NCKAP5L: variants seen among roughly 807,000 people sequenced by gnomAD.
NCKAP5L encodes nck-associated protein 5-like.
Under a neutral mutation model 103.2 loss-of-function variants are expected in NCKAP5L, and 54 were observed. The observed-to-expected ratio is 0.52, with a 90% CI of 0.42 to 0.66. The LOEUF (loss-of-function observed/expected upper bound fraction) is 0.66. Ranked by LOEUF, NCKAP5L falls within the 30% of genes least tolerant of loss-of-function variation. The probability of loss-of-function intolerance (pLI) is 0.00; values close to 1 mark genes in which losing one functional copy is unlikely to be tolerated. For synonymous variants in NCKAP5L, 762 were observed against 748.6 expected (o/e 1.02, Z -0.29); for missense variants, 1,733 against 1,750.6 (o/e 0.99, Z 0.18).
intron 1 of NCKAP5L, among the ~76,000 whole-genome samples, chr12:49,806,272 T>C (rs946349683): frequency 6.6e-6 from 1 of 152,056 alleles, no homozygotes; most frequent in Non-Finnish European, 1.5e-5. Context: ...GGGAAAGCAT[T>C]TGGGACAGCA....
At chr12:49,813,662 G>A (rs1285551288) in intron 1 of NCKAP5L, among the ~76,000 whole-genome samples, 2 of 152,000 alleles carry the variant, frequency 1.3e-5, no homozygotes, top group African/African-American at 2.4e-5. Flanking sequence ...CGAGTACCTG[G>A]GATTACAGGC....
intron 8 of NCKAP5L, 130 bp from the exon 9 acceptor site, chr12:49,794,026 C>T (rs1277475704): frequency 1.4e-5 from 12 of 853,652 alleles, no homozygotes; most frequent in African/African-American, 3.5e-5. Flanking sequence ...GGGGACATGT[C>T]GCTAGTGATT....
At chr12:49,809,497 C>T (rs1946216834) in intron 1 of NCKAP5L, among the ~76,000 whole-genome samples, 1 of 152,140 alleles carries the variant, frequency 6.6e-6, no homozygotes, top group African/African-American at 2.4e-5. Flanking sequence ...GGGTGGGCAG[C>T]TGTAGGAAGG....
chr12:49,819,536 G>T (rs892640159), intron 1 of NCKAP5L, among the ~76,000 whole-genome samples: 1 of 152,182 alleles, frequency 6.6e-6, no homozygotes, highest in African/African-American at 2.4e-5. Context: ...CAACGTGGAT[G>T]AATCTGGAGA....
intron 8 of NCKAP5L, 84 bp downstream of exon 8, chr12:49,794,681 C>T: frequency 8.9e-7 from 1 of 1,127,548 alleles, no homozygotes; most frequent in Non-Finnish European, 1.2e-6. Flanking sequence ...GAAAAGCAGG[C>T]CTAGCTCCAG....
Position 49,797,173 on chromosome 12 carries a change from C to T in NCKAP5L, c.687G>A (p.Leu229=). The change falls in exon 8 of 13, where the codon CTG becomes CTA. Residue 229 remains leucine, a synonymous_variant. Coordinates refer to ENST00000335999, the MANE Select transcript of NCKAP5L (RefSeq NM_001037806.4). The surrounding 1 kb of genome is among the most constrained non-coding windows in gnomAD (Gnocchi z 4.5). The part of the protein sequence containing the change: ...PGSPEPINGE[L]CGPPQPEPSP... ...AGGGTTCAGGCTGAGGCGGGCCACACAGCTCGCCGTTGATGGGCTCTGGGG... is the reference window on the plus strand; with the variant it reads ...AGGGTTCAGGCTGAGGCGGGCCACATAGCTCGCCGTTGATGGGCTCTGGGG... 6.2e-7 allele frequency: 1 copy of T among 1,611,644 alleles called. No homozygotes were observed. The highest frequency in any genetic ancestry group is 8.5e-7 in the Non-Finnish European group (1 of 1,179,176).
chr12:49,828,000 G>C (rs1946440216), intron 1 of NCKAP5L, among the ~76,000 whole-genome samples: 1 of 152,192 alleles, frequency 6.6e-6, no homozygotes, highest in Admixed American at 6.5e-5. Flanking sequence ...CAAAGAGGGA[G>C]GGGAGCCCGG....
Position 49,794,680 on chromosome 12 carries a change from G to T in NCKAP5L, c.3095+85C>A. The T allele has an allele frequency of 9.0e-6, 10 of 1,109,236 alleles. No individual in the cohort carries two copies. The South Asian group carries it at 1.7e-4, about 19-fold the overall frequency. 68.7% of individuals were successfully genotyped at this position (1,109,236 alleles called of 1,614,324 possible). On this transcript the variant is annotated intron_variant, in intron 8 of 12. Transcript: ENST00000335999. ...AAGCCCCAGCTCCCAGGAAAAGCAGGCCTAGCTCCAGACGCAGGTGTGCCC... is the reference window on the plus strand; with the variant it reads ...AAGCCCCAGCTCCCAGGAAAAGCAGTCCTAGCTCCAGACGCAGGTGTGCCC...
intron 1 of NCKAP5L, among the ~76,000 whole-genome samples, chr12:49,811,359 G>A (rs79593787): frequency 6.6e-6 from 1 of 152,000 alleles, no homozygotes; most frequent in Non-Finnish European, 1.5e-5. Flanking sequence ...TATAACTTCT[G>A]GCTTACCACC....
chr12:49,823,429 C>A lies in NCKAP5L; in HGVS notation c.-99+4893G>T, dbSNP rs550034367. On this transcript the variant is annotated intron_variant, in intron 1 of 12. Coordinates refer to ENST00000335999, the MANE Select transcript of NCKAP5L (RefSeq NM_001037806.4). ...AACTGCTGAGAACCCCAGAGCCACA[C>A]TACGGGAGTTCCAGGGCCCCTCACA... Among the ~76,000 whole-genome samples the A allele has an allele frequency of 2.0e-5, 3 of 152,252 alleles. 1 individual carries two copies. Among genetic ancestry groups the A allele is most frequent in the Admixed American group, 2.0e-4 (3 of 15,298 alleles).
intron 7 of NCKAP5L, among the ~76,000 whole-genome samples, chr12:49,798,085 A>G (rs1946078150): frequency 6.6e-6 from 1 of 152,180 alleles, no homozygotes; most frequent in African/African-American, 2.4e-5. Context: ...TAACCTCACT[A>G]AAGAAGACAA....
At chr12:49,811,181 G>A (rs925074506) in intron 1 of NCKAP5L, among the ~76,000 whole-genome samples, 1 of 152,154 alleles carries the variant, frequency 6.6e-6, no homozygotes, top group Non-Finnish European at 1.5e-5. Flanking sequence ...TGTTGCAAAG[G>A]GACTCCTGTC....
intron 1 of NCKAP5L, among the ~76,000 whole-genome samples, chr12:49,820,561 C>G (rs982054240): frequency 3.8e-4 from 58 of 152,178 alleles, no homozygotes; most frequent in Non-Finnish European, 7.4e-5. Flanking sequence ...GTGATCCACC[C>G]ACCTTGGCCT....
intron 1 of NCKAP5L, among the ~76,000 whole-genome samples, chr12:49,821,880 G>A (rs1251401954): frequency 1.3e-5 from 2 of 152,170 alleles, no homozygotes; most frequent in African/African-American, 4.8e-5. Context: ...GTATACAAAG[G>A]TGAACAAACA....
rs139857717 is a variant in NCKAP5L, at chr12:49,809,076, G to A, written c.-98-3035C>T. Among the ~76,000 whole-genome samples, 1,428 of 152,098 alleles carry A rather than the reference G, an allele frequency of 9.4e-3. 11 individuals carry two copies. The highest frequency in any genetic ancestry group is 0.028 in the South Asian group (135 of 4,810). On this transcript the variant is annotated intron_variant, in intron 1 of 12. Transcript: ENST00000335999. ...GGCCAGTTTTCAGGCAGCCAGGGCC[G>A]AGGAAGGAGGAAACTTGCTCAGGGG...
Position 49,791,835 on chromosome 12 carries a change from C to G in NCKAP5L, c.*4G>C, listed in dbSNP as rs747992228. 6 of 1,584,558 alleles carry G rather than the reference C, an allele frequency of 3.8e-6. No individual in the cohort carries two copies. Among genetic ancestry groups the G allele is most frequent in the Non-Finnish European group, 4.3e-6 (5 of 1,163,280 alleles). On this transcript the variant is annotated 3_prime_UTR_variant, in exon 13 of 13. Coordinates refer to ENST00000335999, the MANE Select transcript of NCKAP5L (RefSeq NM_001037806.4). ...CCAGCGGGGCCGTGGCGTGGCGCAG[C>G]CCCTCAGCCCTGACTCCCACAAGAG...
chr12:49,820,313 CTTTTTTTTTTTT>C (rs55677422), intron 1 of NCKAP5L, among the ~76,000 whole-genome samples: 1 of 121,422 alleles, frequency 8.2e-6, no homozygotes, highest in African/African-American at 3.3e-5. Context: ...ATCTCCTGGC[CTTTTTTTTTTTT>C]TTTTTTTTTG....
chr12:49,823,647 T>TA (rs56135612), intron 1 of NCKAP5L, among the ~76,000 whole-genome samples: 65,984 of 147,254 alleles, frequency 0.45, 15,122 homozygotes, highest in Non-Finnish European at 0.52. Flanking sequence ...ATCTATACAT[T>TA]AAAAAAAAAA....
Position 49,794,890 on chromosome 12 carries a change from G to T in NCKAP5L, c.2970C>A (p.Ser990Arg). 1 of 1,512,398 alleles carries T rather than the reference G, an allele frequency of 6.6e-7. No individual in the cohort carries two copies. Among genetic ancestry groups the T allele is most frequent in the Non-Finnish European group, 8.8e-7 (1 of 1,130,450 alleles). 93.7% of individuals were successfully genotyped at this position (1,512,398 alleles called of 1,614,324 possible). Reference sequence around the variant, plus strand: ...CACCAGGCCGTGGCCGGGCCCGGCTGCTTAGGTAGGCCTTCTCCTCTTCCA... The same window carrying T: ...CACCAGGCCGTGGCCGGGCCCGGCTTCTTAGGTAGGCCTTCTCCTCTTCCA... The part of the protein sequence containing the change: ...RALEEEKAYL[S>R]SRARPRPGGP... The change falls in exon 8 of 13, where the codon AGC (serine) becomes AGA (arginine). Residue 990 changes from serine (S) to arginine (R), a missense_variant. Physicochemically the swap from Ser to Arg is moderately radical, Grantham distance 110. Coordinates refer to ENST00000335999, the MANE Select transcript of NCKAP5L (RefSeq NM_001037806.4).
Sources: allele counts gnomAD v4.1 joint callset (sites outside exome capture counted in the v4.1 genomes callset), GRCh38; gene constraint gnomAD v4.1.1; non-coding constraint Gnocchi (gnomAD v3.1); transcripts MANE v1.5; gene names NCBI Gene and HGNC (gene_info 2026-07-23, HGNC 2026-07-21).